The following JADE2 variants were observed in gnomAD, a reference collection of about 807,000 sequenced individuals.
JADE2 encodes the protein jade family PHD finger 2.
JADE2 carries 13 observed loss-of-function variants against 85.7 expected under a neutral mutation model. The ratio of observed to expected loss-of-function variants is 0.15; its 90% CI spans 0.10 to 0.24. The LOEUF (loss-of-function observed/expected upper bound fraction) is 0.24, where lower values mean the gene tolerates loss of function less well. Among genes scored for constraint, JADE2 ranks in the 10% least tolerant of loss-of-function variants. JADE2 has a pLI of 1.00. For synonymous variants in JADE2, 440 were observed against 456.1 expected, an observed-to-expected ratio of 0.96 and a Z score of 0.45; for missense variants, 846 against 1,115.9, an observed-to-expected ratio of 0.76 and a Z score of 3.45.
intron 1 of JADE2, chr5:134,526,901 G>A (rs1760868193): frequency 2.3e-6 from 1 of 426,426 alleles, no homozygotes; most frequent in Non-Finnish European, 3.1e-6. Context: ...CGGAGCGGCG[G>A]GTGCGCGCCC....
chr5:134,567,546 A>G (rs990318726), intron 9 of JADE2, among the ~76,000 whole-genome samples: 1 of 152,180 alleles, frequency 6.6e-6, no homozygotes, highest in Admixed American at 6.5e-5. Flanking sequence ...GGGTTCAGAC[A>G]TACATGCTCA....
Position 134,561,766 on chromosome 5 carries a change from C to T in JADE2, c.685-434C>T, listed in dbSNP as rs181613326. 1.7e-3 allele frequency among the ~76,000 whole-genome samples: 252 copies of T among 152,290 alleles called. 1 individual carries two copies. Among genetic ancestry groups the T allele is most frequent in the Non-Finnish European group, 1.9e-3 (131 of 68,034 alleles). On this transcript the variant is annotated intron_variant, in intron 6 of 11. Transcript: ENST00000681547. ...GCAGCTCTTAGGTTCATGTGTCTCA[C>T]CCAAGCCATAGAGGGGTGCAACCTT... is the stretch of plus-strand genomic sequence containing the variant.
intron 2 of JADE2, 69 bp downstream of exon 2, chr5:134,535,984 T>A: frequency 7.5e-7 from 1 of 1,332,170 alleles, no homozygotes; most frequent in Non-Finnish European, 1.1e-6. Context: ...CAGGCCCAGA[T>A]GGGAGGAGGC....
chr5:134,560,786 G>A lies in JADE2; in HGVS notation c.513G>A (p.Leu171=). ...ELDELTLERV[L]EELETLCHQN... is the part of the protein sequence containing the mutation. ...ACGAGCTGACATTAGAGCGTGTGCT[G>A]GAGGAGCTGGAGACCCTGTGCCACC... Residue 171 remains leucine, a synonymous_variant, in exon 6 of 12, where the codon CTG becomes CTA. Coordinates refer to ENST00000681547, the MANE Select transcript of JADE2 (RefSeq NM_001388185.1). The A allele has an allele frequency of 6.2e-7, 1 of 1,614,092 alleles. No homozygotes were observed. The highest frequency in any genetic ancestry group is 8.5e-7 in the Non-Finnish European group (1 of 1,179,998).
chr5:134,527,535 C>T (rs1489598006), intron 1 of JADE2, among the ~76,000 whole-genome samples: 2 of 152,110 alleles, frequency 1.3e-5, no homozygotes, highest in East Asian at 3.9e-4. Context: ...TCTCTTAAAC[C>T]CCTCCCCCGA....
intron 1 of JADE2, among the ~76,000 whole-genome samples, chr5:134,534,647 T>C (rs911687385): frequency 3.9e-4 from 59 of 152,110 alleles, no homozygotes; most frequent in African/African-American, 1.4e-3. Context: ...AGGAATGGAC[T>C]GGGGTTGGGG....
intron 1 of JADE2, among the ~76,000 whole-genome samples, chr5:134,529,700 T>C (rs145034901): frequency 3.5e-4 from 53 of 152,362 alleles, no homozygotes; most frequent in African/African-American, 1.3e-3. Context: ...ACCTTTAGGC[T>C]AGGCCAGAGA....
Position 134,578,463 on chromosome 5 carries a change from G to A in JADE2, c.1682-31G>A, listed in dbSNP as rs754941673. 15 of 1,503,638 alleles carry A rather than the reference G, an allele frequency of 1.0e-5. No individual in the cohort carries two copies. The highest frequency in any genetic ancestry group is 1.4e-5 in the Non-Finnish European group (15 of 1,104,968). 93.1% of individuals were successfully genotyped at this position (1,503,638 alleles called of 1,614,324 possible). ...TGAAAGGGTGGGACACACGTCTGCT[G>A]GCGTCTCACTTGCCTCCTCTCTCCC... On this transcript the variant is annotated intron_variant, in intron 11 of 11. Coordinates refer to ENST00000681547, the MANE Select transcript of JADE2 (RefSeq NM_001388185.1). The surrounding 1 kb of genome is among the most constrained non-coding windows in gnomAD (Gnocchi z 4.4).
chr5:134,561,039 G>A (rs1448665860), intron 6 of JADE2, 82 bp downstream of exon 6: 11 of 1,225,860 alleles, frequency 9.0e-6, no homozygotes, highest in Non-Finnish European at 1.3e-5. Context: ...GCTCTCCAGG[G>A]GCACTGTGGA....
intron 1 of JADE2, among the ~76,000 whole-genome samples, chr5:134,533,356 A>G (rs1354211303): frequency 1.3e-5 from 2 of 152,046 alleles, no homozygotes; most frequent in African/African-American, 2.4e-5. Context: ...AAAAATTCTG[A>G]CTCAGTTGCC....
intron 1 of JADE2, among the ~76,000 whole-genome samples, chr5:134,527,018 C>T (rs571249664): frequency 1.5e-4 from 23 of 152,302 alleles, no homozygotes; most frequent in African/African-American, 5.5e-4. Flanking sequence ...CTGCCTAGGG[C>T]CCTGCACCAT....
In JADE2 at chr5:134,569,325, C is replaced by T. The variant is rs552509335; in HGVS notation, c.1434+2745C>T. ...CAGCATCCTCCCAGATTGATTCGTT[C>T]CTCCTCAGCCAGGCAGGGGTTTTGC... is the stretch of plus-strand genomic sequence containing the variant. On this transcript the variant is annotated intron_variant, in intron 9 of 11. Coordinates refer to ENST00000681547, the MANE Select transcript of JADE2 (RefSeq NM_001388185.1). Among the ~76,000 whole-genome samples, 114 of 152,208 alleles carry T rather than the reference C, an allele frequency of 7.5e-4. 1 individual carries two copies. The highest frequency in any genetic ancestry group is 1.3e-3 in the Non-Finnish European group (91 of 68,036).
intron 4 of JADE2, among the ~76,000 whole-genome samples, chr5:134,553,653 T>C (rs1218316731): frequency 1.3e-5 from 2 of 152,228 alleles, no homozygotes; most frequent in African/African-American, 4.8e-5. Context: ...CGCCCGGCCG[T>C]AAGCCATGCT....
chr5:134,537,876 T>G (rs1281713095), intron 2 of JADE2, 113 bp from the exon 3 acceptor site: 1 of 746,950 alleles, frequency 1.3e-6, no homozygotes, highest in Non-Finnish European at 2.3e-6. Context: ...CAGAGGTTTC[T>G]CCCTCATGAA....
At chr5:134,573,042 A>C (rs1185605734) in intron 9 of JADE2, among the ~76,000 whole-genome samples, 1 of 152,252 alleles carries the variant, frequency 6.6e-6, no homozygotes, top group Admixed American at 6.5e-5. Flanking sequence ...GGTTGGCTGC[A>C]GGCTGGGCAC....
chr5:134,527,863 C>G (rs372250672), intron 1 of JADE2, among the ~76,000 whole-genome samples: 4 of 152,182 alleles, frequency 2.6e-5, no homozygotes, highest in Admixed American at 6.5e-5. Flanking sequence ...TGCCGTATGC[C>G]GAAGGCACAC....
Position 134,556,707 on chromosome 5 carries a change from CCA to C in JADE2, c.312-3113_312-3112del, listed in dbSNP as rs375395774. On this transcript the variant is annotated intron_variant, in intron 4 of 11. Coordinates refer to ENST00000681547, the MANE Select transcript of JADE2 (RefSeq NM_001388185.1). ...ACACACATCACACAACACATACACA[CCA>C]CACACACACCTCACACATCACACAA... is the stretch of plus-strand genomic sequence containing the variant. Among the ~76,000 whole-genome samples, 686 of 139,200 alleles carry C rather than the reference CCA, an allele frequency of 4.9e-3. 8 individuals are homozygous for C. Among genetic ancestry groups the C allele is most frequent in the East Asian group, 9.5e-3 (42 of 4,418 alleles). 91.3% of individuals were successfully genotyped at this position (139,200 alleles called of 152,430 possible). A position where few individuals can be genotyped will look rare whatever the true frequency, so the allele number is the denominator to read the frequency against.
At position 134,562,881 on chromosome 5, in the gene JADE2, T is replaced by G. The variant is rs1434079417; in HGVS notation, c.852+514T>G. On this transcript the variant is annotated intron_variant, in intron 7 of 11. Transcript: ENST00000681547. The surrounding 1 kb of genome is among the most constrained non-coding windows in gnomAD (Gnocchi z 4.6). ...CTTGGACAGAGCTCAGGTGGTGACTTCTATGAGAAAATGGGGTTAGGGACC... is the reference window on the plus strand; with the variant it reads ...CTTGGACAGAGCTCAGGTGGTGACTGCTATGAGAAAATGGGGTTAGGGACC... Among the ~76,000 whole-genome samples, 11 of 152,134 alleles carry G rather than the reference T, an allele frequency of 7.2e-5. No homozygotes were observed. The highest frequency in any genetic ancestry group is 2.9e-5 in the Non-Finnish European group (2 of 68,028).
chr5:134,559,966 A>G lies in JADE2; in HGVS notation c.448A>G (p.Ile150Val), dbSNP rs1763228199. 6.2e-7 allele frequency: 1 copy of G among 1,614,098 alleles called. No homozygotes were observed. Among genetic ancestry groups the G allele is most frequent in the East Asian group, 2.2e-5 (1 of 44,878 alleles). ...DEIDAYWLELINSELKEMERP... is the reference protein window; with the variant it reads ...DEIDAYWLELVNSELKEMERP... ...GATTGATGCCTACTGGCTGGAGCTCATCAACTCGGAGCTTAAGGAGATGGG... is the reference window on the plus strand; with the variant it reads ...GATTGATGCCTACTGGCTGGAGCTCGTCAACTCGGAGCTTAAGGAGATGGG... Residue 150 changes from isoleucine to valine, a missense_variant, in exon 5 of 12, where the codon ATC (isoleucine) becomes GTC (valine). Physicochemically the swap from Ile to Val is conservative, Grantham distance 29. Around this residue, in one of 9 missense-constraint regions of JADE2, gnomAD observed 78 missense variants for 64.9 expected, o/e 1.20. Coordinates refer to ENST00000681547, the MANE Select transcript of JADE2 (RefSeq NM_001388185.1).
Sources: gnomAD v4.1 joint callset for allele counts (sites outside exome capture counted in the v4.1 genomes callset) on GRCh38, gnomAD v4.1.1 for gene constraint, gnomAD v4.1.1 regional missense constraint, Gnocchi (gnomAD v3.1) non-coding constraint, MANE v1.5 for transcripts, NCBI Gene and HGNC (gene_info 2026-07-23, HGNC 2026-07-21) for gene names.